Variants in ARHGAP36 observed in about 807,000 individuals in gnomAD.
ARHGAP36 encodes rho GTPase-activating protein 36.
A neutral mutation model predicts 32.9 loss-of-function variants in ARHGAP36; 7 were observed. That is an observed-to-expected ratio of 0.21 (90% confidence interval 0.12 to 0.40). The LOEUF (loss-of-function observed/expected upper bound fraction) is 0.40, where lower values mean the gene tolerates loss of function less well. ARHGAP36 is among the 10% of genes least tolerant of loss of function. ARHGAP36 has a pLI of 1.00. For missense variants in ARHGAP36, 383 were observed against 442.2 expected (o/e 0.87, Z 1.20); for synonymous variants, 165 against 168.3 (o/e 0.98, Z 0.15).
At chrX:131,085,520 A>T (rs1248104650) in intron 7 of ARHGAP36, 68 bp from the exon 8 acceptor site, 2 of 1,125,004 alleles carry the variant, frequency 1.8e-6, no homozygotes, top group African/African-American at 1.8e-5. Flanking sequence ...GCAGAATCTC[A>T]CCTCCCTTGG....
rs1256433765 is a variant in ARHGAP36, at chrX:131,085,969, C to T, written c.1161C>T (p.Leu387=). 39 of 1,211,568 alleles carry T rather than the reference C, an allele frequency of 3.2e-5. No homozygotes were observed. The highest frequency in any genetic ancestry group is 4.0e-5 in the Non-Finnish European group (36 of 895,410). ...TNLALVFGSA[L]LKKGKFGKRE... ...TGGCCTTGGTGTTTGGATCTGCTCT[C>T]CTGAAAAAAGGAAAGTTTGGCAAGA... The change falls in exon 9 of 12, where the codon CTC becomes CTT. Residue 387 remains leucine (L), a synonymous_variant. Coordinates refer to ENST00000276211, the MANE Select transcript of ARHGAP36 (RefSeq NM_144967.4).
intron 1 of ARHGAP36, among the ~76,000 whole-genome samples, chrX:131,078,214 A>T (rs1224625256): frequency 9.1e-6 from 1 of 110,243 alleles, no homozygotes; most frequent in Non-Finnish European, 1.9e-5. Flanking sequence ...ACTCTCAGAC[A>T]ACCACTGAAA....
chrX:131,058,921 G>A (rs1019301735), intron 1 of ARHGAP36, among the ~76,000 whole-genome samples: 1 of 112,675 alleles, frequency 8.9e-6, no homozygotes, highest in Admixed American at 9.3e-5. Flanking sequence ...TAGAGTCGTC[G>A]AATTTAACCC....
chrX:131,087,962 G>A (rs1399225237), intron 11 of ARHGAP36, among the ~76,000 whole-genome samples: 1 of 112,170 alleles, frequency 8.9e-6, no homozygotes, highest in East Asian at 2.8e-4. Context: ...AACTGATGAT[G>A]TCTCCATTCT....
chrX:131,062,173 T>C (rs2079673206), intron 1 of ARHGAP36, among the ~76,000 whole-genome samples: 1 of 112,372 alleles, frequency 8.9e-6, no homozygotes. Flanking sequence ...TGTAACAACA[T>C]AGAAAATGGT....
Position 131,085,789 on chromosome X carries a change from G to A in ARHGAP36, c.1104+53G>A, listed in dbSNP as rs956235466. 2.4e-5 allele frequency: 28 copies of A among 1,189,809 alleles called. No homozygotes were observed. In the African/African-American group the frequency reaches 3.0e-4, roughly 13 times the overall value. On this transcript the variant is annotated intron_variant, in intron 8 of 11. Transcript: ENST00000276211. ...AAACTGTAGTAGGGGACATATGTGG[G>A]AGTATATCAGCAAGAGGGTGGATGG...
intron 3 of ARHGAP36, 83 bp downstream of exon 3, chrX:131,083,313 G>A: frequency 1.0e-6 from 1 of 975,785 alleles, no homozygotes; most frequent in Non-Finnish European, 1.4e-6. Flanking sequence ...TTGGAGACTG[G>A]GTGGCGTCCA....
chrX:131,065,733 C>T (rs2079694920), intron 1 of ARHGAP36, among the ~76,000 whole-genome samples: 1 of 111,886 alleles, frequency 8.9e-6, no homozygotes, highest in African/African-American at 3.3e-5. Flanking sequence ...TGTGCCCACC[C>T]AGGATGAGGT....
At chrX:131,068,976 G>T (rs1313467623) in intron 1 of ARHGAP36, among the ~76,000 whole-genome samples, 1 of 112,124 alleles carries the variant, frequency 8.9e-6, no homozygotes, top group African/African-American at 3.2e-5. Context: ...CTGCAGCCTA[G>T]CACTGGCTCG....
At chrX:131,064,311 G>T (rs999752526) in intron 1 of ARHGAP36, among the ~76,000 whole-genome samples, 7 of 111,147 alleles carry the variant, frequency 6.3e-5, no homozygotes, top group Non-Finnish European at 1.1e-4. Flanking sequence ...TGGACTTAAG[G>T]TCCAGTTCTT....
chrX:131,065,252 G>A (rs952967716), intron 1 of ARHGAP36, among the ~76,000 whole-genome samples: 3 of 112,272 alleles, frequency 2.7e-5, no homozygotes, highest in Admixed American at 9.4e-5. Flanking sequence ...CTTCTTCAGA[G>A]TTGAAGTTTG....
intron 1 of ARHGAP36, chrX:131,078,660 C>G: frequency 1.3e-6 from 1 of 771,756 alleles, no homozygotes; most frequent in South Asian, 2.4e-5. Context: ...TCCCCCTCCC[C>G]ACCCCACCCA....
intron 1 of ARHGAP36, among the ~76,000 whole-genome samples, chrX:131,077,688 C>T (rs1469903409): frequency 9.8e-6 from 1 of 101,552 alleles, no homozygotes; most frequent in Non-Finnish European, 2.0e-5. Flanking sequence ...TTGATTTGTG[C>T]CTGTCCGCTC....
At chrX:131,068,764 T>C (rs2148637284) in intron 1 of ARHGAP36, among the ~76,000 whole-genome samples, 1 of 104,794 alleles carries the variant, frequency 9.5e-6, no homozygotes, top group East Asian at 3.0e-4. Context: ...GAGTTAAGAC[T>C]GGCAGACAAG....
At chrX:131,071,889 T>C (rs751192412) in intron 1 of ARHGAP36, among the ~76,000 whole-genome samples, 22 of 111,740 alleles carry the variant, frequency 2.0e-4, no homozygotes, top group Non-Finnish European at 4.0e-4. Flanking sequence ...GAGAATTCAA[T>C]TGGGGGGGGT....
intron 1 of ARHGAP36, among the ~76,000 whole-genome samples, chrX:131,074,353 G>A (rs1453773985): frequency 8.8e-5 from 3 of 34,126 alleles, no homozygotes; most frequent in African/African-American, 1.9e-4. Flanking sequence ...GTGTGTGTGT[G>A]TGTGTGAGAG....
At position 131,085,658 on chromosome X, in the gene ARHGAP36, T is replaced by C; in HGVS notation, c.1026T>C (p.Asp342=). The C allele has an allele frequency of 1.7e-6, 2 of 1,211,672 alleles. No homozygotes were observed. Among genetic ancestry groups the C allele is most frequent in the Non-Finnish European group, 2.2e-6 (2 of 895,487 alleles). Reference sequence around the variant, plus strand: ...ACCTGATGCCACCCTGCCACAGTGATACCCTGGAGCGTCTGCTGAAGGCCC... The same window carrying C: ...ACCTGATGCCACCCTGCCACAGTGACACCCTGGAGCGTCTGCTGAAGGCCC... ...LVYLMPPCHS[D]TLERLLKALH... Residue 342 remains aspartate, a synonymous_variant, in exon 8 of 12, where the codon GAT becomes GAC. Coordinates refer to ENST00000276211, the MANE Select transcript of ARHGAP36 (RefSeq NM_144967.4).
Position 131,088,572 on chromosome X carries a change from T to C in ARHGAP36, c.1487-56T>C. ...AATTAGGTCTTAGTGCCTTGGGTGCTGCGCAAAGTATAAAGTCTAGAAACA... is the reference window on the plus strand; with the variant it reads ...AATTAGGTCTTAGTGCCTTGGGTGCCGCGCAAAGTATAAAGTCTAGAAACA... On this transcript the variant is annotated intron_variant, in intron 11 of 11. Coordinates refer to ENST00000276211, the MANE Select transcript of ARHGAP36 (RefSeq NM_144967.4). The C allele has an allele frequency of 1.0e-5, 12 of 1,160,791 alleles. No individual in the cohort carries two copies. The South Asian group carries it at 2.3e-4, about 22-fold the overall frequency.
chrX:131,078,410 G>T (rs1204936538), intron 1 of ARHGAP36, among the ~76,000 whole-genome samples: 1 of 112,314 alleles, frequency 8.9e-6, no homozygotes, highest in East Asian at 2.8e-4. Context: ...TTGAATTCTA[G>T]ACTGAAACTG....
Sources: allele counts gnomAD v4.1 joint callset (sites outside exome capture counted in the v4.1 genomes callset), GRCh38; gene constraint gnomAD v4.1.1; transcripts MANE v1.5; gene names NCBI Gene and HGNC (gene_info 2026-07-23, HGNC 2026-07-21).